Variants in TRERF1 observed in about 807,000 individuals in gnomAD.
TRERF1 encodes the protein transcriptional regulating factor 1.
TRERF1 carries 27 observed loss-of-function variants against 122.9 expected under a neutral mutation model. The ratio of observed to expected loss-of-function variants is 0.22; its 90% CI spans 0.16 to 0.30. The LOEUF (loss-of-function observed/expected upper bound fraction) is 0.30. Among genes scored for constraint, TRERF1 ranks in the 10% least tolerant of loss-of-function variants. The probability of loss-of-function intolerance (pLI) is 1.00; values close to 1 mark genes in which losing one functional copy is unlikely to be tolerated. For missense variants in TRERF1, 1,248 were observed against 1,560.3 expected, an observed-to-expected ratio of 0.80 and a Z score of 3.37; for synonymous variants, 636 against 641.7, an observed-to-expected ratio of 0.99 and a Z score of 0.13.
chr6:42,232,266 T>C lies in TRERF1; in HGVS notation c.3278+415A>G, dbSNP rs1037333356. ...CAGAAGTAAGCGAAGGTGGTAGGAT[T>C]ACCCTGTATGAGCCATCTGTGTTAC... On this transcript the variant is annotated intron_variant, in intron 17 of 17. Transcript: ENST00000372922. This position sits in a 1 kb window ranked among gnomAD's most constrained non-coding sequence, Gnocchi z 4.5. Among the ~76,000 whole-genome samples the C allele has an allele frequency of 6.6e-6, 1 of 152,242 alleles. No homozygotes were observed. Among genetic ancestry groups the C allele is most frequent in the Non-Finnish European group, 1.5e-5 (1 of 68,036 alleles).
At chr6:42,289,878 G>A (rs1365288410) in intron 4 of TRERF1, among the ~76,000 whole-genome samples, 1 of 152,154 alleles carries the variant, frequency 6.6e-6, no homozygotes, top group Admixed American at 6.5e-5. Context: ...GGGGTGTTTT[G>A]GGGTGAACCT....
chr6:42,396,855 G>T (rs947707540), intron 2 of TRERF1, among the ~76,000 whole-genome samples: 3 of 152,114 alleles, frequency 2.0e-5, no homozygotes, highest in Non-Finnish European at 4.4e-5. Flanking sequence ...GAGTAAGAAC[G>T]ACAAGACAGG....
chr6:42,228,471 C>G lies in TRERF1; in HGVS notation c.3477G>C (p.Val1159=). 6.2e-7 allele frequency: 1 copy of G among 1,614,174 alleles called. No individual in the cohort carries two copies. Among genetic ancestry groups the G allele is most frequent in the South Asian group, 1.1e-5 (1 of 91,086 alleles). The stretch of plus-strand genomic sequence containing the variant: ...GGACGACGTCGTCGTCGAGGATGTC[C>G]ACATCCTTGATGGGTTTGATCAGAC... Residue 1159 remains valine (V), a synonymous_variant, in exon 18 of 18, where the codon GTG becomes GTC. Transcript: ENST00000372922. This position sits in a 1 kb window ranked among gnomAD's most constrained non-coding sequence, Gnocchi z 4.2.
At chr6:42,336,081 C>T (rs1766117167) in intron 3 of TRERF1, among the ~76,000 whole-genome samples, 1 of 152,206 alleles carries the variant, frequency 6.6e-6, no homozygotes, top group Non-Finnish European at 1.5e-5. Flanking sequence ...TAAATAGCCA[C>T]ATGTGGCTAC....
chr6:42,396,933 C>A (rs1051185481), intron 2 of TRERF1, among the ~76,000 whole-genome samples: 1 of 152,140 alleles, frequency 6.6e-6, no homozygotes, highest in Non-Finnish European at 1.5e-5. Flanking sequence ...GGAGGCGCTG[C>A]GGCCCTCACC....
chr6:42,328,999 A>G (rs1764777308), intron 3 of TRERF1, among the ~76,000 whole-genome samples: 1 of 152,060 alleles, frequency 6.6e-6, no homozygotes, highest in Non-Finnish European at 1.5e-5. Flanking sequence ...AGAAACACAC[A>G]TTGGAAGCTA....
At chr6:42,396,577 T>C (rs987507621) in intron 2 of TRERF1, among the ~76,000 whole-genome samples, 2 of 152,342 alleles carry the variant, frequency 1.3e-5, no homozygotes, top group African/African-American at 4.8e-5. Flanking sequence ...ATGCAGGTAG[T>C]AGTGAAGAGC....
rs377477310 is a variant in TRERF1 at position 42,268,609 on chromosome 6, G to T, written c.982C>A (p.Gln328Lys). 6.2e-6 allele frequency: 10 copies of T among 1,613,948 alleles called. No homozygotes were observed. In the African/African-American group the frequency reaches 1.3e-4, roughly 22 times the overall value. ...AAGTGCTGCATCATGGGTTGGGGCT[G>T]ATAATACTGAGGTATCTGCATTGAA... The change falls in exon 5 of 18, where the codon CAG (glutamine) becomes AAG (lysine). Residue 328 changes from glutamine (Q) to lysine (K), a missense_variant. This residue lies in a region of TRERF1 where 946 missense variants were observed against 1,073.0 expected (regional missense o/e 0.88). Transcript: ENST00000372922. The surrounding 1 kb of genome is among the most constrained non-coding windows in gnomAD (Gnocchi z 4.4).
chr6:42,326,007 C>T (rs1764218399), intron 3 of TRERF1, among the ~76,000 whole-genome samples: 2 of 152,218 alleles, frequency 1.3e-5, no homozygotes, highest in South Asian at 4.2e-4. Context: ...TGAGAACAGA[C>T]ACAGGGGACT....
chr6:42,329,993 G>GA (rs911936295), intron 3 of TRERF1, among the ~76,000 whole-genome samples: 35 of 150,238 alleles, frequency 2.3e-4, no homozygotes, highest in East Asian at 1.4e-3. Flanking sequence ...TGTCTTGGGG[G>GA]AAAAAAAAAG....
At chr6:42,256,884 A>C (rs1259695977) in intron 11 of TRERF1, 53 bp from the exon 12 acceptor site, 3 of 1,613,430 alleles carry the variant, frequency 1.9e-6, no homozygotes, top group Non-Finnish European at 2.5e-6. Context: ...GTGTAATGGA[A>C]AACACACCAA....
chr6:42,349,832 T>A (rs1043943452), intron 3 of TRERF1, among the ~76,000 whole-genome samples: 42 of 152,292 alleles, frequency 2.8e-4, no homozygotes, highest in African/African-American at 1.0e-3. Context: ...AATACCAATA[T>A]CCCACTGATT....
intron 4 of TRERF1, among the ~76,000 whole-genome samples, chr6:42,288,082 A>G (rs566343044): frequency 3.2e-4 from 49 of 152,046 alleles, no homozygotes; most frequent in Non-Finnish European, 5.6e-4. Context: ...GTCTTTCACG[A>G]AGTCTTCCCT....
chr6:42,435,815 A>AC (rs1324880035), intron 2 of TRERF1, among the ~76,000 whole-genome samples: 1 of 150,866 alleles, frequency 6.6e-6, no homozygotes, highest in Non-Finnish European at 1.5e-5. Context: ...CTTTACCAAA[A>AC]AAAAAAATAC....
At chr6:42,346,453 G>A (rs1258342403) in intron 3 of TRERF1, among the ~76,000 whole-genome samples, 1 of 152,222 alleles carries the variant, frequency 6.6e-6, no homozygotes, top group Non-Finnish European at 1.5e-5. Flanking sequence ...GAGCCAGAGA[G>A]GAAGAGAAGC....
At chr6:42,382,541 G>C (rs1776120961) in intron 2 of TRERF1, among the ~76,000 whole-genome samples, 1 of 151,842 alleles carries the variant, frequency 6.6e-6, no homozygotes, top group Non-Finnish European at 1.5e-5. Context: ...AAAACAGTGT[G>C]CTGGTTGCAC....
At chr6:42,361,670 A>G (rs1231736706) in intron 3 of TRERF1, among the ~76,000 whole-genome samples, 1 of 152,202 alleles carries the variant, frequency 6.6e-6, no homozygotes, top group Non-Finnish European at 1.5e-5. Context: ...AACATACACA[A>G]AAGCCTCTTT....
chr6:42,232,812 G>A lies in TRERF1; in HGVS notation c.3147C>T (p.Ala1049=). 6.2e-7 allele frequency: 1 copy of A among 1,612,920 alleles called. No homozygotes were observed. The highest frequency in any genetic ancestry group is 8.5e-7 in the Non-Finnish European group (1 of 1,179,516). Residue 1049 remains alanine (A), a synonymous_variant, in exon 17 of 18, where the codon GCC becomes GCT. Transcript: ENST00000372922. The surrounding 1 kb of genome is among the most constrained non-coding windows in gnomAD (Gnocchi z 4.5). ...CAGGCTTCTGCTTCCCAGAGGGGATGGCACCTCGGGCCTTGGTCACCTGGT... is the reference window on the plus strand; with the variant it reads ...CAGGCTTCTGCTTCCCAGAGGGGATAGCACCTCGGGCCTTGGTCACCTGGT...
intron 2 of TRERF1, among the ~76,000 whole-genome samples, chr6:42,372,133 G>A (rs1246745762): frequency 1.3e-5 from 2 of 152,152 alleles, no homozygotes; most frequent in Non-Finnish European, 2.9e-5. Flanking sequence ...AGTGAGCCGA[G>A]ATCAAGCCAC....
Sources: allele counts gnomAD v4.1 joint callset (sites outside exome capture counted in the v4.1 genomes callset), GRCh38; gene constraint gnomAD v4.1.1; regional missense constraint gnomAD v4.1.1; non-coding constraint Gnocchi (gnomAD v3.1); transcripts MANE v1.5; gene names NCBI Gene and HGNC (gene_info 2026-07-23, HGNC 2026-07-21).